POC1B: variants seen among roughly 807,000 people sequenced by gnomAD.
POC1B encodes the protein POC1 centriolar protein B.
A neutral mutation model predicts 60.6 loss-of-function variants in POC1B; 44 were observed. That is an observed-to-expected ratio of 0.73 (90% CI 0.57 to 0.93). The LOEUF is 0.93. Ranked by LOEUF, POC1B falls within the 40% of genes least tolerant of loss-of-function variation. The pLI is 0.00. For synonymous variants in POC1B, 180 were observed against 198.9 expected (o/e 0.90, Z 0.80); for missense variants, 555 against 572.3 (o/e 0.97, Z 0.31).
chr12:89,406,916 C>T, the POC1B span, among the ~76,000 whole-genome samples: 3 of 151,720 alleles, frequency 2.0e-5, no homozygotes, highest in Admixed American at 1.3e-4. Context: ...GAGGTGGAGA[C>T]GATAGGATCA....
At chr12:89,522,607 G>A (rs530074213) in intron 2 of POC1B, 14 of 476,730 alleles carry the variant, frequency 2.9e-5, no homozygotes, top group African/African-American at 2.8e-4. Context: ...CAACCAATAA[G>A]TAAGGCATTG....
At chr12:89,489,065 G>C (rs780881474) in intron 4 of POC1B, among the ~76,000 whole-genome samples, 23 of 152,038 alleles carry the variant, frequency 1.5e-4, no homozygotes, top group Non-Finnish European at 2.4e-4. Context: ...GGACCATCGT[G>C]CGTTATCTCC....
At chr12:89,498,742 C>A (rs1278729409) in intron 2 of POC1B, among the ~76,000 whole-genome samples, 1 of 152,064 alleles carries the variant, frequency 6.6e-6, no homozygotes, top group African/African-American at 2.4e-5. Context: ...AAGGCTAATG[C>A]AGACAAAGCA....
downstream of POC1B, among the ~76,000 whole-genome samples, chr12:89,415,168 G>T (rs1880342822): frequency 6.6e-6 from 1 of 152,110 alleles, no homozygotes; most frequent in Non-Finnish European, 1.5e-5. Context: ...TGTATGAAAG[G>T]CTAATTTCTT....
At position 89,512,441 on chromosome 12, in the gene POC1B, T is replaced by C. The variant is rs575780486; in HGVS notation, c.100+12679A>G. Among the ~76,000 whole-genome samples, 125 of 152,080 alleles carry C rather than the reference T, an allele frequency of 8.2e-4. No homozygotes were observed. In the Middle Eastern group the frequency reaches 0.01, roughly 13 times the overall value. ...AGAAACCTTTACTGAATTGGTACCA[T>C]GGGCCTAGTATTTTTCAATACTGCG... On this transcript the variant is annotated intron_variant, in intron 2 of 11. Transcript: ENST00000313546.
Position 89,432,035 on chromosome 12 carries a change from C to G in POC1B, c.1114-6656G>C, listed in dbSNP as rs528061925. 2.1e-3 allele frequency among the ~76,000 whole-genome samples: 321 copies of G among 152,136 alleles called. 4 individuals carry two copies. Among genetic ancestry groups the G allele is most frequent in the African/African-American group, 7.5e-3 (310 of 41,482 alleles). On this transcript the variant is annotated intron_variant, in intron 10 of 11. Coordinates refer to ENST00000313546, the MANE Select transcript of POC1B (RefSeq NM_172240.3). ...TGAATCCCTCTTTCCGTATAAGGAC[C>G]CTTGTGATTATATGGGGCCCGGTCA...
intron 4 of POC1B, among the ~76,000 whole-genome samples, chr12:89,479,465 G>A (rs1323595545): frequency 6.6e-6 from 1 of 152,080 alleles, no homozygotes; most frequent in Non-Finnish European, 1.5e-5. Flanking sequence ...AAAGATGCCT[G>A]ACATATTTTG....
intron 2 of POC1B, among the ~76,000 whole-genome samples, chr12:89,510,763 C>CTTTTTTT (rs56654469): frequency 0.29 from 39,883 of 138,624 alleles, 6,694 homozygotes; most frequent in South Asian, 0.41. Flanking sequence ...TGTTTTTATT[C>CTTTTTTT]TTTTTTTTTT....
At chr12:89,509,567 G>A (rs564801180) in intron 2 of POC1B, among the ~76,000 whole-genome samples, 6 of 152,196 alleles carry the variant, frequency 3.9e-5, no homozygotes, top group African/African-American at 9.6e-5. Flanking sequence ...AAATCTCAAC[G>A]GGCAGAACTA....
At chr12:89,496,177 A>G (rs1869235368) in intron 3 of POC1B, among the ~76,000 whole-genome samples, 1 of 152,068 alleles carries the variant, frequency 6.6e-6, no homozygotes, top group South Asian at 2.1e-4. Flanking sequence ...ACAGATCATC[A>G]GGCATGAGAT....
intron 3 of POC1B, among the ~76,000 whole-genome samples, chr12:89,494,764 C>A (rs1018681662): frequency 1.3e-5 from 2 of 152,192 alleles, no homozygotes; most frequent in African/African-American, 4.8e-5. Flanking sequence ...ACAGGTTATC[C>A]TGCTGGAGAG....
chr12:89,409,062 C>G, the POC1B span, among the ~76,000 whole-genome samples: 6 of 152,274 alleles, frequency 3.9e-5, no homozygotes, highest in East Asian at 1.2e-3. Context: ...TTCTCCCATT[C>G]TGTAGGTTGC....
intron 2 of POC1B, among the ~76,000 whole-genome samples, chr12:89,512,237 G>A (rs544391938): frequency 6.6e-6 from 1 of 152,290 alleles, no homozygotes; most frequent in East Asian, 1.9e-4. Flanking sequence ...CTTGAATGAG[G>A]AAATAACTAA....
Position 89,447,541 on chromosome 12 carries a change from T to C in POC1B, c.1113+12097A>G, listed in dbSNP as rs374163278. Among the ~76,000 whole-genome samples, 11 of 152,100 alleles carry C rather than the reference T, an allele frequency of 7.2e-5. No individual in the cohort carries two copies. The East Asian group carries it at 7.7e-4, about 11-fold the overall frequency. Reference sequence around the variant, plus strand: ...TCAACTGATTTTCCAAAGCATACAATTGTTTTTGCTTCAGCTTAATGATGC... The same window carrying C: ...TCAACTGATTTTCCAAAGCATACAACTGTTTTTGCTTCAGCTTAATGATGC... On this transcript the variant is annotated intron_variant, in intron 10 of 11. Coordinates refer to ENST00000313546, the MANE Select transcript of POC1B (RefSeq NM_172240.3).
intron 4 of POC1B, among the ~76,000 whole-genome samples, chr12:89,481,950 C>T (rs1369773921): frequency 1.3e-5 from 2 of 152,052 alleles, no homozygotes; most frequent in Non-Finnish European, 2.9e-5. Context: ...TCTCTTTGGG[C>T]AAGCAGAAAG....
chr12:89,435,885 A>G (rs1486935583), intron 10 of POC1B, among the ~76,000 whole-genome samples: 1 of 151,838 alleles, frequency 6.6e-6, no homozygotes, highest in Non-Finnish European at 1.5e-5. Context: ...TCAAACACGC[A>G]TATGCATGTG....
At chr12:89,402,163 G>C in the POC1B span, among the ~76,000 whole-genome samples, 2 of 151,846 alleles carry the variant, frequency 1.3e-5, no homozygotes, top group African/African-American at 4.8e-5. Context: ...CTTCCTTCCC[G>C]TCCCTTAAAA....
intron 2 of POC1B, among the ~76,000 whole-genome samples, chr12:89,515,535 AT>A (rs764912304): frequency 6.6e-6 from 1 of 152,154 alleles, no homozygotes; most frequent in Non-Finnish European, 1.5e-5. Context: ...GATCAGGGGC[AT>A]TTTAAGTGGA....
In POC1B at chr12:89,421,060, G is replaced by T; in HGVS notation, c.*93C>A. 1.1e-6 allele frequency: 1 copy of T among 919,440 alleles called. No individual in the cohort carries two copies. Among genetic ancestry groups the T allele is most frequent in the Non-Finnish European group, 1.6e-6 (1 of 612,808 alleles). The allele number at this position is 919,440 out of a possible 1,614,324, so 57.0% of individuals were successfully genotyped here. On this transcript the variant is annotated 3_prime_UTR_variant, in exon 12 of 12. Coordinates refer to ENST00000313546, the MANE Select transcript of POC1B (RefSeq NM_172240.3). ...GCCATGATAAATAGCACATGGTTGT[G>T]TTGTATGGAGTATCTTGTACTACCT... is the stretch of plus-strand genomic sequence containing the variant.
Sources: gnomAD v4.1 joint callset for allele counts (sites outside exome capture counted in the v4.1 genomes callset) on GRCh38, gnomAD v4.1.1 for gene constraint, MANE v1.5 for transcripts, NCBI Gene and HGNC (gene_info 2026-07-23, HGNC 2026-07-21) for gene names.